UGT1A9: variants seen among roughly 807,000 people sequenced by gnomAD.
UGT1A9 encodes UDP-glucuronosyltransferase 1A9.
Under a neutral mutation model 45.0 loss-of-function variants are expected in UGT1A9, and 35 were observed. The ratio of observed to expected loss-of-function variants is 0.78; its 90% CI spans 0.59 to 1.03. The LOEUF (loss-of-function observed/expected upper bound fraction) is 1.03. UGT1A9 is among the 50% of genes least tolerant of loss of function. The pLI, the probability that UGT1A9 is intolerant of heterozygous loss-of-function variation, is 0.00. For missense variants in UGT1A9, 687 were observed against 666.6 expected, an observed-to-expected ratio of 1.03 and a Z score of -0.34; for synonymous variants, 278 against 250.6, an observed-to-expected ratio of 1.11 and a Z score of -1.03.
At chr2:233,676,986 T>C (rs2074378510) in intron 1 of UGT1A9, among the ~76,000 whole-genome samples, 1 of 152,182 alleles carries the variant, frequency 6.6e-6, no homozygotes, top group Non-Finnish European at 1.5e-5. Context: ...AATGAGGTAG[T>C]GTTACCTCTA....
At chr2:233,688,675 A>G (rs10173355) in intron 1 of UGT1A9, among the ~76,000 whole-genome samples, 1 of 152,002 alleles carries the variant, frequency 6.6e-6, no homozygotes, top group Non-Finnish European at 1.5e-5. Context: ...GCTCTTTTTT[A>G]AAAAATTTAA....
At chr2:233,762,334 T>A (rs2125997251) in intron 1 of UGT1A9, among the ~76,000 whole-genome samples, 1 of 152,328 alleles carries the variant, frequency 6.6e-6, no homozygotes, top group Middle Eastern at 3.4e-3. Context: ...CCACAATAGC[T>A]CTTTTTAGTT....
chr2:233,724,171 CA>C (rs2077183449), intron 1 of UGT1A9, among the ~76,000 whole-genome samples: 1 of 91,442 alleles, frequency 1.1e-5, no homozygotes, highest in Non-Finnish European at 2.4e-5. Context: ...CTGACCCCCC[CA>C]TCTCCCTCCC....
chr2:233,716,707 T>G (rs2076520900), intron 1 of UGT1A9, among the ~76,000 whole-genome samples: 1 of 152,188 alleles, frequency 6.6e-6, no homozygotes, highest in Non-Finnish European at 1.5e-5. Flanking sequence ...TTAAAAACAC[T>G]AAAGAGTTCC....
At chr2:233,718,110 C>T (rs537602029) in intron 1 of UGT1A9, 2 of 309,390 alleles carry the variant, frequency 6.5e-6, no homozygotes, top group Admixed American at 7.6e-5. Context: ...ACAGCAGCAC[C>T]TCTTATTCCA....
chr2:233,747,611 T>C (rs529621956), intron 1 of UGT1A9: 1 of 1,574,810 alleles, frequency 6.3e-7, no homozygotes, highest in African/African-American at 1.4e-5. Flanking sequence ...AGCTACTGCA[T>C]AATGAGGCCC....
rs751184944 is a variant in UGT1A9 at position 233,672,266 on chromosome 2, G to A, written c.332G>A (p.Gly111Asp). 4.3e-6 allele frequency: 7 copies of A among 1,613,926 alleles called. 1 individual carries two copies. Among genetic ancestry groups the A allele is most frequent in the South Asian group, 3.3e-5 (3 of 91,078 alleles). The change falls in exon 1 of 5, where the codon GGT becomes GAT. Residue 111 changes from glycine to aspartate, a missense_variant. Gly to Asp is a moderately conservative substitution (Grantham distance 94, BLOSUM62 -1). Transcript: ENST00000354728. ...CGAAGTATATATTCTCTATTAATGG[G>A]TTCATACAATGACATTTTTGACTTA... is the stretch of plus-strand genomic sequence containing the variant. ...QVRSIYSLLM[G>D]SYNDIFDLFF...
At position 233,699,208 on chromosome 2, in the gene UGT1A9, A is replaced by G. The variant is rs75951571; in HGVS notation, c.855+26419A>G. On this transcript the variant is annotated intron_variant, in intron 1 of 4. Coordinates refer to ENST00000354728, the MANE Select transcript of UGT1A9 (RefSeq NM_021027.3). ...CTTCTTCAGAATCTCATGCTGTTGC[A>G]TGAAAAAAAAACAAAAACGAACTTT... Among the ~76,000 whole-genome samples the G allele has an allele frequency of 2.6e-5, 4 of 151,942 alleles. No homozygotes were observed. The East Asian group carries it at 5.8e-4, about 22-fold the overall frequency.
At chr2:233,724,138 G>A (rs2077174540) in intron 1 of UGT1A9, among the ~76,000 whole-genome samples, 1 of 122,456 alleles carries the variant, frequency 8.2e-6, no homozygotes, top group Non-Finnish European at 1.7e-5. Context: ...CTCCCGGACG[G>A]GGCGGCTGGC....
chr2:233,677,144 A>G (rs1460371629), intron 1 of UGT1A9, among the ~76,000 whole-genome samples: 2 of 152,182 alleles, frequency 1.3e-5, no homozygotes, highest in African/African-American at 4.8e-5. Context: ...GAGAAACAAC[A>G]TCTTAGCAAT....
chr2:233,679,033 T>C (rs1223695285), intron 1 of UGT1A9, among the ~76,000 whole-genome samples: 1 of 152,234 alleles, frequency 6.6e-6, no homozygotes, highest in Admixed American at 6.5e-5. Flanking sequence ...TTCTGGACTT[T>C]CATGACATTC....
At chr2:233,765,738 C>T (rs1341217365) in intron 1 of UGT1A9, among the ~76,000 whole-genome samples, 1 of 147,306 alleles carries the variant, frequency 6.8e-6, no homozygotes, top group Non-Finnish European at 1.5e-5. Flanking sequence ...AATAAATAAA[C>T]CCATAAAGCC....
At chr2:233,759,367 G>A (rs1697118309) in intron 1 of UGT1A9, among the ~76,000 whole-genome samples, 1 of 152,146 alleles carries the variant, frequency 6.6e-6, no homozygotes, top group Admixed American at 6.5e-5. Flanking sequence ...CTATAAAAAG[G>A]TACAGGTTTT....
At position 233,713,862 on chromosome 2, in the gene UGT1A9, T is replaced by G. The variant is rs765022217; in HGVS notation, c.855+41073T>G. 94 of 1,613,944 alleles carry G rather than the reference T, an allele frequency of 5.8e-5. No homozygotes were observed. In the African/African-American group the frequency reaches 1.1e-3, roughly 20 times the overall value. On this transcript the variant is annotated intron_variant, in intron 1 of 4. Transcript: ENST00000354728. ...CAACGGGAAGCCACTATCTCAGGTC[T>G]GTATTGGTGCCTTTATCCAATCAAT...
chr2:233,766,395 C>T (rs1305688036), intron 1 of UGT1A9, among the ~76,000 whole-genome samples: 1 of 152,176 alleles, frequency 6.6e-6, no homozygotes, highest in African/African-American at 2.4e-5. Flanking sequence ...GCTGTCCTTG[C>T]GTCCCTCCGC....
At chr2:233,747,242 T>G in intron 1 of UGT1A9, 1 of 1,603,440 alleles carries the variant, frequency 6.2e-7, no homozygotes. Context: ...GTTCCCCTGC[T>G]GTGGCTGGCC....
chr2:233,710,692 G>A (rs976331221), intron 1 of UGT1A9, among the ~76,000 whole-genome samples: 1 of 152,100 alleles, frequency 6.6e-6, no homozygotes, highest in Non-Finnish European at 1.5e-5. Flanking sequence ...TTTACTTCTG[G>A]TGTGTGGTGT....
chr2:233,760,275 G>C (rs2125981686), intron 1 of UGT1A9: 1 of 1,612,542 alleles, frequency 6.2e-7, no homozygotes, highest in African/African-American at 1.3e-5. Context: ...CCTCTGGCAG[G>C]AGCAAAGGCG....
At chr2:233,717,896 G>T (rs1418345167) in intron 1 of UGT1A9, 1 of 454,828 alleles carries the variant, frequency 2.2e-6, no homozygotes, top group South Asian at 1.6e-5. Flanking sequence ...ATAATCTTCA[G>T]GATGAAATAA....
Sources: gnomAD v4.1 joint callset for allele counts (sites outside exome capture counted in the v4.1 genomes callset) on GRCh38, gnomAD v4.1.1 for gene constraint, MANE v1.5 for transcripts, NCBI Gene and HGNC (gene_info 2026-07-23, HGNC 2026-07-21) for gene names.